Variants in SPOPL observed in about 807,000 individuals in gnomAD.
SPOPL encodes speckle type BTB/POZ protein like, also known as speckle-type POZ protein-like.
Under a neutral mutation model 53.8 loss-of-function variants are expected in SPOPL, and 23 were observed. The ratio of observed to expected loss-of-function variants is 0.43; its 90% CI spans 0.31 to 0.61. SPOPL has a LOEUF of 0.61. Ranked by LOEUF, SPOPL falls within the 20% of genes least tolerant of loss-of-function variation. SPOPL has a pLI of 0.12. For missense variants in SPOPL, 442 were observed against 466.9 expected, an observed-to-expected ratio of 0.95 and a Z score of 0.49; for synonymous variants, 164 against 149.7, an observed-to-expected ratio of 1.10 and a Z score of -0.70.
At chr2:138,548,767 G>GT (rs1055105236) in intron 1 of SPOPL, among the ~76,000 whole-genome samples, 5 of 151,582 alleles carry the variant, frequency 3.3e-5, no homozygotes, top group South Asian at 2.1e-4. Flanking sequence ...ATTTTGTCAG[G>GT]TTTTTTTACA....
At chr2:138,550,848 TCGAATG>T in intron 3 of SPOPL, 49 bp from the exon 4 acceptor site, 3 of 1,541,968 alleles carry the variant, frequency 1.9e-6, no homozygotes, top group Non-Finnish European at 2.6e-6. Context: ...TCTCTCTCTC[TCGAATG>T]CTTTTCAAGT....
Position 138,550,911 on chromosome 2 carries a change from G to A in SPOPL, c.209G>A (p.Arg70Lys). 1 of 1,609,672 alleles carries A rather than the reference G, an allele frequency of 6.2e-7. No individual in the cohort carries two copies. The highest frequency in any genetic ancestry group is 8.5e-7 in the Non-Finnish European group (1 of 1,178,444). The change falls in exon 4 of 11, where the codon AGG becomes AAG. Residue 70 changes from arginine to lysine, a missense_variant. Arg to Lys is a conservative substitution (Grantham distance 26). Coordinates refer to ENST00000280098, the MANE Select transcript of SPOPL (RefSeq NM_001001664.3). The stretch of plus-strand genomic sequence containing the variant: ...TTATTGTTTTATTTTAGGTGCCTGA[G>A]GGTAAACCCAAAGGGATTAGATGAT... ...GPSDKMKWCL[R>K]VNPKGLDDES...
intron 1 of SPOPL, among the ~76,000 whole-genome samples, chr2:138,530,619 A>G (rs534397198): frequency 1.3e-5 from 2 of 152,248 alleles, no homozygotes; most frequent in East Asian, 1.9e-4. Flanking sequence ...ATACTTTGGT[A>G]TCTTTTAAAA....
chr2:138,512,227 G>A (rs1002604386), intron 1 of SPOPL, among the ~76,000 whole-genome samples: 1 of 152,070 alleles, frequency 6.6e-6, no homozygotes, highest in African/African-American at 2.4e-5. Flanking sequence ...TAAGATTGCA[G>A]TCTTGACAAT....
rs563718841 is a variant in SPOPL, at chr2:138,568,615, G to A, written c.1035-321G>A. ...ATATTTGTAACTCAAGAGAAAATCT[G>A]CCTTATAAGAGGCATGTAAAAGAAG... is the stretch of plus-strand genomic sequence containing the variant. On this transcript the variant is annotated intron_variant, in intron 10 of 10. Transcript: ENST00000280098. Among the ~76,000 whole-genome samples the A allele has an allele frequency of 2.0e-5, 3 of 152,254 alleles. No individual in the cohort carries two copies. In the East Asian group the frequency reaches 5.8e-4, roughly 29 times the overall value.
rs531773220 is a variant in SPOPL, at chr2:138,551,385, C to G, written c.352+331C>G. Among the ~76,000 whole-genome samples, 10 of 151,970 alleles carry G rather than the reference C, an allele frequency of 6.6e-5. No individual in the cohort carries two copies. In the East Asian group the frequency reaches 1.5e-3, roughly 23 times the overall value. ...TAATACGTGCTCAGGAAGCATTTCT[C>G]TCTTGCCTTTTTTTGCCAGGTAATA... On this transcript the variant is annotated intron_variant, in intron 4 of 10. Coordinates refer to ENST00000280098, the MANE Select transcript of SPOPL (RefSeq NM_001001664.3).
At chr2:138,564,566 G>T in intron 8 of SPOPL, 142 bp from the exon 9 acceptor site, 1 of 986,550 alleles carries the variant, frequency 1.0e-6, no homozygotes. Context: ...TTCGTATTAG[G>T]TTAAAACAGT....
intron 2 of SPOPL, 32 bp downstream of exon 2, chr2:138,550,326 T>A: frequency 6.2e-7 from 1 of 1,611,416 alleles, no homozygotes; most frequent in Non-Finnish European, 8.5e-7. Context: ...TCACTTTATG[T>A]CACTTATAAA....
chr2:138,571,344 TCTTA>T lies in SPOPL; in HGVS notation c.*2271_*2274del, dbSNP rs796318129. 72 of 152,638 alleles carry T rather than the reference TCTTA, an allele frequency of 4.7e-4. No homozygotes were observed. Among genetic ancestry groups the T allele is most frequent in the African/African-American group, 1.7e-3 (69 of 41,550 alleles). 9.5% of individuals were successfully genotyped at this position (152,638 alleles called of 1,614,324 possible). On this transcript the variant is annotated 3_prime_UTR_variant, in exon 11 of 11. Transcript: ENST00000280098. ...CCGTATAATGAACATTTCAGCTTCTTCTTACTTACTCGAGAGTTTATTGCAAATC... is the reference window on the plus strand; with the variant it reads ...CCGTATAATGAACATTTCAGCTTCTTCTTACTCGAGAGTTTATTGCAAATC...
rs1195924165 is a variant in SPOPL, at chr2:138,570,916, C to T, written c.*1836C>T. The T allele has an allele frequency of 6.6e-6, 1 of 152,036 alleles. No homozygotes were observed. The highest frequency in any genetic ancestry group is 2.4e-5 in the African/African-American group (1 of 41,430). The allele number at this position is 152,036 out of a possible 1,614,324, so 9.4% of individuals were successfully genotyped here. A position where few individuals can be genotyped will look rare whatever the true frequency, so the allele number is the denominator to read the frequency against. On this transcript the variant is annotated 3_prime_UTR_variant, in exon 11 of 11. Transcript: ENST00000280098. Reference sequence around the variant, plus strand: ...GTCTTCATTACTTTCTATGTAGTTTCATTCTTTGTCGTGGTAACTTAAATT... The same window carrying T: ...GTCTTCATTACTTTCTATGTAGTTTTATTCTTTGTCGTGGTAACTTAAATT...
chr2:138,560,855 G>C lies in SPOPL; in HGVS notation c.765G>C (p.Met255Ile). 6.2e-7 allele frequency: 1 copy of C among 1,609,560 alleles called. No homozygotes were observed. Among genetic ancestry groups the C allele is most frequent in the Non-Finnish European group, 8.5e-7 (1 of 1,178,574 alleles). ...DLDPEVFKEM[M>I]RFIYTGRAPN... ...ACCCTGAAGTTTTTAAAGAAATGAT[G>C]AGATTCATTTACACAGGGAGAGCAC... Residue 255 changes from methionine to isoleucine, a missense_variant, in exon 8 of 11, where the codon ATG becomes ATC. Met to Ile is a conservative substitution (Grantham distance 10). Coordinates refer to ENST00000280098, the MANE Select transcript of SPOPL (RefSeq NM_001001664.3).
At chr2:138,552,886 A>G (rs926783269) in intron 5 of SPOPL, among the ~76,000 whole-genome samples, 2 of 152,098 alleles carry the variant, frequency 1.3e-5, no homozygotes, top group Non-Finnish European at 2.9e-5. Flanking sequence ...TCATATTTCT[A>G]GCTATAATTT....
intron 4 of SPOPL, among the ~76,000 whole-genome samples, chr2:138,551,622 G>A (rs76148134): frequency 0.011 from 1,655 of 152,106 alleles, 33 homozygotes; most frequent in African/African-American, 0.038. Context: ...TACGTTGTGT[G>A]TGGCAGGAGA....
intron 8 of SPOPL, 87 bp from the exon 9 acceptor site, chr2:138,564,621 C>G (rs1685619262): frequency 7.1e-7 from 1 of 1,401,028 alleles, no homozygotes; most frequent in African/African-American, 1.4e-5. Flanking sequence ...ATCTATTTTA[C>G]CCTTATTTTC....
intron 1 of SPOPL, among the ~76,000 whole-genome samples, chr2:138,520,998 C>A (rs1684545545): frequency 6.6e-6 from 1 of 152,082 alleles, no homozygotes; most frequent in African/African-American, 2.4e-5. Context: ...TTGGACTTGT[C>A]ACAACTAGCA....
intron 1 of SPOPL, among the ~76,000 whole-genome samples, chr2:138,539,768 G>T (rs1573890873): frequency 6.6e-6 from 1 of 152,132 alleles, no homozygotes; most frequent in Non-Finnish European, 1.5e-5. Context: ...GATCCCATTT[G>T]TCAATTTTGT....
At chr2:138,524,304 G>A (rs1684622673) in intron 1 of SPOPL, among the ~76,000 whole-genome samples, 1 of 152,186 alleles carries the variant, frequency 6.6e-6, no homozygotes, top group Non-Finnish European at 1.5e-5. Context: ...TAGGGCAGAG[G>A]GACCCTGGGC....
chr2:138,504,471 G>A (rs950142374), intron 1 of SPOPL, among the ~76,000 whole-genome samples: 1 of 152,178 alleles, frequency 6.6e-6, no homozygotes, highest in Admixed American at 6.5e-5. Flanking sequence ...GACTTTTAAA[G>A]CTTATAGAAC....
At chr2:138,534,230 C>T (rs1453514573) in intron 1 of SPOPL, among the ~76,000 whole-genome samples, 4 of 152,032 alleles carry the variant, frequency 2.6e-5, no homozygotes, top group Middle Eastern at 3.4e-3. Context: ...CTGTATCCAC[C>T]GATTCTGCAT....
Sources: gnomAD v4.1 joint callset for allele counts (sites outside exome capture counted in the v4.1 genomes callset) on GRCh38, gnomAD v4.1.1 for gene constraint, MANE v1.5 for transcripts, NCBI Gene and HGNC (gene_info 2026-07-23, HGNC 2026-07-21) for gene names.